RGS6: variants seen among roughly 807,000 people sequenced by gnomAD.
RGS6 encodes the protein regulator of G protein signaling 6.
Under a neutral mutation model 78.5 loss-of-function variants are expected in RGS6, and 30 were observed. The ratio of observed to expected loss-of-function variants is 0.38; its 90% CI spans 0.29 to 0.52. The LOEUF is 0.52. Among genes scored for constraint, RGS6 ranks in the 20% least tolerant of loss-of-function variants. RGS6 has a pLI of 0.85. For synonymous variants in RGS6, 206 were observed against 206.0 expected, an observed-to-expected ratio of 1.00 and a Z score of 0.00; for missense variants, 495 against 609.7, an observed-to-expected ratio of 0.81 and a Z score of 1.98.
intron 1 of RGS6, among the ~76,000 whole-genome samples, chr14:71,940,349 C>T (rs6574035): frequency 0.58 from 87,654 of 151,928 alleles, 25,826 homozygotes; most frequent in Non-Finnish European, 0.61. Flanking sequence ...TCCCCTTTGT[C>T]CAAAGGGTTC....
intron 2 of RGS6, among the ~76,000 whole-genome samples, chr14:72,291,964 C>T (rs2063655843): frequency 1.3e-5 from 2 of 152,082 alleles, no homozygotes; most frequent in Admixed American, 1.3e-4. Context: ...CACAAACGTC[C>T]AGATAGATAT....
chr14:72,560,090 A>G (rs1429697927), intron 17 of RGS6, among the ~76,000 whole-genome samples: 1 of 150,070 alleles, frequency 6.7e-6, no homozygotes, highest in Admixed American at 6.6e-5. Context: ...ACAGACTCTT[A>G]TTCAGAAGCT....
At chr14:72,065,500 T>A (rs1391968640) in intron 2 of RGS6, among the ~76,000 whole-genome samples, 3 of 152,212 alleles carry the variant, frequency 2.0e-5, no homozygotes, top group Non-Finnish European at 4.4e-5. Context: ...TCAGGTTCAC[T>A]CATTGTTTAT....
chr14:72,130,683 G>A (rs1194570941), intron 2 of RGS6, among the ~76,000 whole-genome samples: 1 of 152,180 alleles, frequency 6.6e-6, no homozygotes. Context: ...TCTTTAATCT[G>A]TGACACTGGT....
chr14:72,041,401 G>A (rs59590028), intron 2 of RGS6, among the ~76,000 whole-genome samples: 17,719 of 152,192 alleles, frequency 0.12, 1,042 homozygotes, highest in East Asian at 0.17. Context: ...CCACAGTACT[G>A]TAGGTTCTCC....
At chr14:72,523,391 G>A (rs2097076164) in intron 15 of RGS6, among the ~76,000 whole-genome samples, 1 of 152,198 alleles carries the variant, frequency 6.6e-6, no homozygotes, top group African/African-American at 2.4e-5. Context: ...ATGGGGCTCA[G>A]GGGCTCTGGG....
At chr14:71,940,853 G>T (rs534756211) in intron 1 of RGS6, among the ~76,000 whole-genome samples, 1 of 152,276 alleles carries the variant, frequency 6.6e-6, no homozygotes, top group Admixed American at 6.5e-5. Context: ...GGGATGAGTA[G>T]GTCTAAAGGG....
At position 72,099,185 on chromosome 14, in the gene RGS6, G is replaced by A. The variant is rs955096353; in HGVS notation, c.84+134310G>A. On this transcript the variant is annotated intron_variant, in intron 2 of 17. Transcript: ENST00000553525. The stretch of plus-strand genomic sequence containing the variant: ...CAGTTTTTTTGTTGTTTTTTGAAAT[G>A]GAGTCTCTCTGTCACCCAGGCTGGA... Among the ~76,000 whole-genome samples, 3 of 151,974 alleles carry A rather than the reference G, an allele frequency of 2.0e-5. No individual in the cohort carries two copies. In the East Asian group the frequency reaches 5.8e-4, roughly 29 times the overall value.
chr14:72,298,446 TTTTTTTTTTCC>T (rs1875410838), intron 2 of RGS6, among the ~76,000 whole-genome samples: 3 of 83,312 alleles, frequency 3.6e-5, no homozygotes, highest in South Asian at 4.3e-4. Flanking sequence ...TTTTTTTTTT[TTTTTTTTTTCC>T]CCCCCTCTGA....
intron 2 of RGS6, among the ~76,000 whole-genome samples, chr14:72,158,856 GCT>G (rs3054999): frequency 0.56 from 84,332 of 151,400 alleles, 23,891 homozygotes; most frequent in Non-Finnish European, 0.61. Context: ...AATAGCAAGG[GCT>G]CTAGAGCTTT....
intron 15 of RGS6, among the ~76,000 whole-genome samples, chr14:72,531,359 G>A (rs986097791): frequency 1.3e-5 from 2 of 151,688 alleles, no homozygotes; most frequent in African/African-American, 2.4e-5. Context: ...CTTGGAACCC[G>A]GGAGGCAGAA....
intron 3 of RGS6, among the ~76,000 whole-genome samples, chr14:72,420,563 TTTC>T (rs1167311570): frequency 1.3e-5 from 2 of 152,338 alleles, no homozygotes; most frequent in African/African-American, 4.8e-5. Flanking sequence ...ACGTAAAACT[TTTC>T]TTTCCTGTGA....
the RGS6 span, among the ~76,000 whole-genome samples, chr14:71,872,176 C>T: frequency 2.0e-5 from 3 of 152,198 alleles, no homozygotes; most frequent in African/African-American, 7.2e-5. Context: ...GCCACCAACT[C>T]ATGTTCGTCT....
rs10691175 is a variant in RGS6 at position 72,068,137 on chromosome 14, A to ATTTTT, written c.84+103272_84+103276dup. ...CATTTATTTAATTATGTATGTATGT[A>ATTTTT]TTTTTTTTTTTTTTGAGACAAGATC... On this transcript the variant is annotated intron_variant, in intron 2 of 17. Transcript: ENST00000553525. Among the ~76,000 whole-genome samples the ATTTTT allele has an allele frequency of 4.1e-5, 6 of 145,566 alleles. No homozygotes were observed. The East Asian group carries it at 8.0e-4, about 19-fold the overall frequency.
chr14:72,188,724 T>C (rs2097283700), intron 2 of RGS6, among the ~76,000 whole-genome samples: 1 of 152,196 alleles, frequency 6.6e-6, no homozygotes, highest in African/African-American at 2.4e-5. Flanking sequence ...GTGGTCTTCT[T>C]GATGGAAAGC....
At chr14:72,130,854 A>G (rs2096298650) in intron 2 of RGS6, among the ~76,000 whole-genome samples, 1 of 152,258 alleles carries the variant, frequency 6.6e-6, no homozygotes, top group Admixed American at 6.5e-5. Context: ...TGAATGAGAC[A>G]AAGTTTGTTG....
chr14:72,222,595 C>A (rs2047133399), intron 2 of RGS6, among the ~76,000 whole-genome samples: 1 of 152,166 alleles, frequency 6.6e-6, no homozygotes, highest in African/African-American at 2.4e-5. Context: ...ATACCAATTG[C>A]AGAAATGCAG....
intron 2 of RGS6, among the ~76,000 whole-genome samples, chr14:72,329,435 A>G (rs1363853496): frequency 2.6e-5 from 4 of 152,260 alleles, no homozygotes; most frequent in Non-Finnish European, 5.9e-5. Context: ...TCACCTGCTC[A>G]GAGGGAGTGG....
intron 15 of RGS6, among the ~76,000 whole-genome samples, chr14:72,526,213 C>G (rs943626710): frequency 6.6e-6 from 1 of 151,818 alleles, no homozygotes; most frequent in African/African-American, 2.4e-5. Flanking sequence ...ACGCCATTCT[C>G]TTGCCTCAGC....
Sources: allele counts gnomAD v4.1 joint callset (sites outside exome capture counted in the v4.1 genomes callset), GRCh38; gene constraint gnomAD v4.1.1; transcripts MANE v1.5; gene names NCBI Gene and HGNC (gene_info 2026-07-23, HGNC 2026-07-21).